FHIT: variants seen among roughly 807,000 people sequenced by gnomAD.
FHIT encodes the protein fragile histidine triad diadenosine triphosphatase.
A neutral mutation model predicts 17.9 loss-of-function variants in FHIT; 19 were observed. The observed-to-expected ratio is 1.06, with a 90% CI of 0.74 to 1.56. The LOEUF (loss-of-function observed/expected upper bound fraction) is 1.56. Ranked by LOEUF, FHIT falls within the 40% of genes most tolerant of loss-of-function variation. The probability of loss-of-function intolerance (pLI) is 0.00; values close to 1 mark genes in which losing one functional copy is unlikely to be tolerated. For missense variants in FHIT, 248 were observed against 189.2 expected (o/e 1.31, Z -1.82); for synonymous variants, 81 against 69.7 (o/e 1.16, Z -0.81).
At chr3:60,630,532 C>T (rs1474585942) in intron 4 of FHIT, among the ~76,000 whole-genome samples, 1 of 152,146 alleles carries the variant, frequency 6.6e-6, no homozygotes, top group Non-Finnish European at 1.5e-5. Flanking sequence ...AAAAAGGAGT[C>T]ACTGTACCAC....
rs540599959 is a variant in FHIT at position 60,938,957 on chromosome 3, T to C, written c.-111+103090A>G. Reference sequence around the variant, plus strand: ...AACATACGGAAAAGGGTAAAAGTTATTCTATTTCTTCCGCCCAGAAAACTA... The same window carrying C: ...AACATACGGAAAAGGGTAAAAGTTACTCTATTTCTTCCGCCCAGAAAACTA... On this transcript the variant is annotated intron_variant, in intron 3 of 9. Transcript: ENST00000492590. 2.4e-4 allele frequency among the ~76,000 whole-genome samples: 36 copies of C among 152,322 alleles called. No homozygotes were observed. In the East Asian group the frequency reaches 4.6e-3, roughly 20 times the overall value.
At chr3:61,171,738 G>A (rs1253153755) in intron 2 of FHIT, among the ~76,000 whole-genome samples, 2 of 152,170 alleles carry the variant, frequency 1.3e-5, no homozygotes, top group East Asian at 3.8e-4. Flanking sequence ...TTTACTCAAA[G>A]TGTGGTGGCC....
intron 5 of FHIT, among the ~76,000 whole-genome samples, chr3:60,103,759 A>T (rs1704290928): frequency 6.6e-6 from 1 of 152,182 alleles, no homozygotes; most frequent in Non-Finnish European, 1.5e-5. Context: ...TTCAGCTCGA[A>T]ATAATCAACA....
chr3:60,477,201 G>A (rs2033390086), intron 5 of FHIT, among the ~76,000 whole-genome samples: 1 of 150,024 alleles, frequency 6.7e-6, no homozygotes, highest in South Asian at 2.1e-4. Context: ...TCTTCAAAAT[G>A]GATTTTTTTT....
In FHIT at chr3:60,195,386, A is replaced by G. The variant is rs374852071; in HGVS notation, c.104-181234T>C. Among the ~76,000 whole-genome samples, 80 of 151,828 alleles carry G rather than the reference A, an allele frequency of 5.3e-4. No homozygotes were observed. In the South Asian group the frequency reaches 0.013, roughly 24 times the overall value. On this transcript the variant is annotated intron_variant, in intron 5 of 9. Coordinates refer to ENST00000492590, the MANE Select transcript of FHIT (RefSeq NM_002012.4). ...GATCTAAAAGTTGACCTACCATTCT[A>G]TCTTGCGATCCCAATACTGGGTTTC...
chr3:60,655,439 G>A (rs1228104260), intron 4 of FHIT, among the ~76,000 whole-genome samples: 1 of 152,262 alleles, frequency 6.6e-6, no homozygotes, highest in East Asian at 1.9e-4. Flanking sequence ...CACTGGACAC[G>A]CTGGAGGAAT....
intron 4 of FHIT, among the ~76,000 whole-genome samples, chr3:60,712,207 C>T (rs1454126717): frequency 3.9e-5 from 6 of 152,104 alleles, no homozygotes; most frequent in Non-Finnish European, 7.3e-5. Flanking sequence ...AAATAAAATC[C>T]TTTACAGACA....
At chr3:60,560,751 C>T (rs2036907440) in intron 4 of FHIT, among the ~76,000 whole-genome samples, 1 of 151,224 alleles carries the variant, frequency 6.6e-6, no homozygotes, top group South Asian at 2.1e-4. Flanking sequence ...TTTTCCTCCA[C>T]TGGCATGTTG....
intron 5 of FHIT, among the ~76,000 whole-genome samples, chr3:60,199,088 T>C (rs997564243): frequency 2.6e-5 from 4 of 152,188 alleles, no homozygotes; most frequent in Non-Finnish European, 5.9e-5. Flanking sequence ...TCATTATTTC[T>C]GTGCAAAAGA....
chr3:60,786,715 G>T (rs1158729796), intron 4 of FHIT, among the ~76,000 whole-genome samples: 1 of 152,142 alleles, frequency 6.6e-6, no homozygotes, highest in Non-Finnish European at 1.5e-5. Flanking sequence ...AGCATGAATA[G>T]GTATATGTCT....
chr3:60,363,231 C>G (rs1227410807), intron 5 of FHIT, among the ~76,000 whole-genome samples: 1 of 152,100 alleles, frequency 6.6e-6, no homozygotes, highest in East Asian at 1.9e-4. Context: ...TTGCTCTACC[C>G]AGTTTGTGTC....
intron 3 of FHIT, among the ~76,000 whole-genome samples, chr3:60,955,607 T>C (rs28420864): frequency 0.23 from 1,717 of 7,416 alleles, 52 homozygotes; most frequent in East Asian, 0.45. Flanking sequence ...CATATATATA[T>C]ATATATATAT....
chr3:60,957,221 T>TTTTC (rs1553779201), intron 3 of FHIT, among the ~76,000 whole-genome samples: 1 of 148,382 alleles, frequency 6.7e-6, no homozygotes, highest in East Asian at 1.9e-4. Context: ...CATCTTCTTC[T>TTTTC]TTTCTTTCTT....
At chr3:60,326,159 G>T (rs569983727) in intron 5 of FHIT, among the ~76,000 whole-genome samples, 4 of 152,150 alleles carry the variant, frequency 2.6e-5, no homozygotes, top group South Asian at 4.2e-4. Flanking sequence ...GGGCTGGCAG[G>T]GGGGTGGTGA....
At chr3:60,907,107 C>T (rs571137314) in intron 3 of FHIT, among the ~76,000 whole-genome samples, 1 of 152,134 alleles carries the variant, frequency 6.6e-6, no homozygotes, top group East Asian at 1.9e-4. Context: ...AAGTATCACC[C>T]CACAGATACT....
chr3:60,087,973 T>A (rs1703568612), intron 5 of FHIT, among the ~76,000 whole-genome samples: 1 of 152,188 alleles, frequency 6.6e-6, no homozygotes, highest in Non-Finnish European at 1.5e-5. Context: ...TAAAAGGATT[T>A]ATGTGGATCA....
chr3:60,208,455 T>G (rs530845968), intron 5 of FHIT, among the ~76,000 whole-genome samples: 3 of 152,344 alleles, frequency 2.0e-5, no homozygotes, highest in Non-Finnish European at 2.9e-5. Context: ...CTAGGATGGC[T>G]GAGAAGTTGA....
chr3:60,725,272 C>T (rs1460916724), intron 4 of FHIT, among the ~76,000 whole-genome samples: 1 of 152,148 alleles, frequency 6.6e-6, no homozygotes, highest in African/African-American at 2.4e-5. Context: ...TCCTTTAAAG[C>T]ATAAAAGTTT....
At chr3:60,641,625 T>C (rs1225860572) in intron 4 of FHIT, among the ~76,000 whole-genome samples, 2 of 152,148 alleles carry the variant, frequency 1.3e-5, no homozygotes, top group Admixed American at 6.5e-5. Flanking sequence ...CAGAGACTGA[T>C]CTACTTTGGG....
Sources: gnomAD v4.1 joint callset for allele counts (sites outside exome capture counted in the v4.1 genomes callset) on GRCh38, gnomAD v4.1.1 for gene constraint, MANE v1.5 for transcripts, NCBI Gene and HGNC (gene_info 2026-07-23, HGNC 2026-07-21) for gene names.